The following ZBTB20 variants were observed in gnomAD, a reference collection of about 807,000 sequenced individuals.
ZBTB20 encodes zinc finger and BTB domain containing 20.
In ZBTB20, 9 loss-of-function variants were observed where a neutral mutation model predicts 56.9. That is an observed-to-expected ratio of 0.16 (90% confidence interval 0.10 to 0.28). ZBTB20 has a LOEUF of 0.28. Among genes scored for constraint, ZBTB20 ranks in the 10% least tolerant of loss-of-function variants. The pLI is 1.00. For missense variants in ZBTB20, 655 were observed against 1,003.0 expected (o/e 0.65, Z 4.69); for synonymous variants, 417 against 420.7 (o/e 0.99, Z 0.11).
intron 6 of ZBTB20, among the ~76,000 whole-genome samples, chr3:114,637,966 T>C (rs1474314615): frequency 1.3e-5 from 2 of 152,094 alleles, no homozygotes; most frequent in Admixed American, 6.6e-5. Flanking sequence ...AAGTGGACAC[T>C]ATTCCCTAAC....
At position 115,111,507 on chromosome 3, in the gene ZBTB20, C is replaced by A. The variant is rs80099322; in HGVS notation, c.-703+35712G>T. ...ACTTTTGTCTAAAGTAATTAAAATT[C>A]TCTCCCTAGTATTTTTCCACCAATA... On this transcript the variant is annotated intron_variant, in intron 1 of 11. Coordinates refer to ENST00000675478, the MANE Select transcript of ZBTB20 (RefSeq NM_001348800.3). 4.0e-3 allele frequency among the ~76,000 whole-genome samples: 606 copies of A among 152,176 alleles called. 3 individuals carry two copies. The highest frequency in any genetic ancestry group is 0.014 in the African/African-American group (567 of 41,514).
intron 5 of ZBTB20, among the ~76,000 whole-genome samples, chr3:114,782,888 C>A (rs2070208590): frequency 6.6e-6 from 1 of 152,126 alleles, no homozygotes; most frequent in African/African-American, 2.4e-5. Flanking sequence ...CAAAGGTATT[C>A]CTAATTCCCA....
intron 5 of ZBTB20, among the ~76,000 whole-genome samples, chr3:114,758,054 C>A (rs2068134181): frequency 6.6e-6 from 1 of 152,066 alleles, no homozygotes; most frequent in South Asian, 2.1e-4. Context: ...TTTTTCCAGT[C>A]ACTTACTTTC....
At chr3:114,878,443 A>C (rs549135493) in intron 4 of ZBTB20, among the ~76,000 whole-genome samples, 6 of 152,276 alleles carry the variant, frequency 3.9e-5, no homozygotes, top group African/African-American at 1.4e-4. Context: ...ATGATGGAAA[A>C]GAAGACTTGA....
chr3:114,713,166 G>A lies in ZBTB20; in HGVS notation c.-342-19591C>T, dbSNP rs189298869. On this transcript the variant is annotated intron_variant, in intron 5 of 11. Transcript: ENST00000675478. ...GTTGGACTTCTTATGTTTTTATATC[G>A]TATGCTTATATTGATTTTATTATAG... Among the ~76,000 whole-genome samples, 474 of 151,632 alleles carry A rather than the reference G, an allele frequency of 3.1e-3. 3 individuals are homozygous for A. Among genetic ancestry groups the A allele is most frequent in the Admixed American group, 5.4e-3 (82 of 15,220 alleles).
chr3:115,029,339 A>AG (rs5851942), intron 2 of ZBTB20, among the ~76,000 whole-genome samples: 20 of 149,704 alleles, frequency 1.3e-4, no homozygotes, highest in Admixed American at 7.3e-4. Flanking sequence ...ATAAAATTGA[A>AG]GGGGGGGGGC....
chr3:114,370,216 T>C (rs570545784), intron 10 of ZBTB20, among the ~76,000 whole-genome samples: 2 of 152,346 alleles, frequency 1.3e-5, no homozygotes, highest in South Asian at 2.1e-4. Context: ...TATAATGGGC[T>C]AGGAACTCTT....
At chr3:114,968,646 C>T (rs1048676485) in intron 3 of ZBTB20, among the ~76,000 whole-genome samples, 6 of 152,130 alleles carry the variant, frequency 3.9e-5, no homozygotes, top group African/African-American at 9.7e-5. Context: ...AAACACACTT[C>T]GGTCACCTCC....
At chr3:114,844,361 ATATATATATATT>A (rs2074549990) in intron 4 of ZBTB20, among the ~76,000 whole-genome samples, 1 of 121,422 alleles carries the variant, frequency 8.2e-6, no homozygotes, top group Non-Finnish European at 1.7e-5. Flanking sequence ...ATATATATAT[ATATATATATATT>A]AGCTGAGAGT....
intron 4 of ZBTB20, among the ~76,000 whole-genome samples, chr3:114,850,333 C>G (rs1173408945): frequency 6.6e-6 from 1 of 152,092 alleles, no homozygotes; most frequent in Non-Finnish European, 1.5e-5. Flanking sequence ...AAAATATAAA[C>G]AGGATTTTTC....
chr3:114,762,281 G>C (rs903371351), intron 5 of ZBTB20, among the ~76,000 whole-genome samples: 1 of 152,150 alleles, frequency 6.6e-6, no homozygotes, highest in Non-Finnish European at 1.5e-5. Context: ...CCACCACTCA[G>C]TATAATCATA....
At chr3:114,900,238 T>A (rs2075054605) in intron 4 of ZBTB20, 66 bp downstream of exon 4, 1 of 152,120 alleles carries the variant, frequency 6.6e-6, no homozygotes, top group Non-Finnish European at 1.5e-5. Context: ...TTTTAATACA[T>A]AAAAATATTA....
chr3:115,124,076 T>G (rs183237263), intron 1 of ZBTB20, among the ~76,000 whole-genome samples: 2 of 152,356 alleles, frequency 1.3e-5, no homozygotes, highest in East Asian at 3.9e-4. Flanking sequence ...AGCACTTAAA[T>G]GTTGTCTGGC....
chr3:115,031,025 C>G (rs1437809723), intron 2 of ZBTB20, among the ~76,000 whole-genome samples: 1 of 151,402 alleles, frequency 6.6e-6, no homozygotes. Context: ...ACATACATCC[C>G]TTCATAATTT....
At chr3:114,726,060 C>T (rs2065253818) in intron 5 of ZBTB20, among the ~76,000 whole-genome samples, 1 of 152,082 alleles carries the variant, frequency 6.6e-6, no homozygotes, top group African/African-American at 2.4e-5. Flanking sequence ...ACAGATAAGA[C>T]TATGTAACCG....
rs184199600 is a variant in ZBTB20, at chr3:114,817,628, A to G, written c.-416-16454T>C. Among the ~76,000 whole-genome samples the G allele has an allele frequency of 2.6e-3, 392 of 152,152 alleles. 1 individual carries two copies. Among genetic ancestry groups the G allele is most frequent in the African/African-American group, 8.7e-3 (362 of 41,540 alleles). On this transcript the variant is annotated intron_variant, in intron 4 of 11. Coordinates refer to ENST00000675478, the MANE Select transcript of ZBTB20 (RefSeq NM_001348800.3). ...ATGCCTCTATAAAAATAAATATTTC[A>G]TTAGGAGTTTTGCAATTTCCTTATT...
intron 6 of ZBTB20, among the ~76,000 whole-genome samples, chr3:114,571,706 C>T (rs973607170): frequency 6.6e-6 from 1 of 152,086 alleles, no homozygotes. Context: ...GGTCTAGGAC[C>T]AGCTGCATCA....
At chr3:114,396,985 T>C (rs1360409187) in intron 7 of ZBTB20, among the ~76,000 whole-genome samples, 1 of 152,146 alleles carries the variant, frequency 6.6e-6, no homozygotes, top group Non-Finnish European at 1.5e-5. Flanking sequence ...AAGGAACCTA[T>C]TGTTTTCAGC....
At chr3:114,866,900 T>C (rs1026569496) in intron 4 of ZBTB20, among the ~76,000 whole-genome samples, 2 of 152,174 alleles carry the variant, frequency 1.3e-5, no homozygotes, top group Admixed American at 6.5e-5. Flanking sequence ...ATCTTGGGAC[T>C]TGTGAGCTTC....
Sources: gnomAD v4.1 joint callset for allele counts (sites outside exome capture counted in the v4.1 genomes callset) on GRCh38, gnomAD v4.1.1 for gene constraint, MANE v1.5 for transcripts, NCBI Gene and HGNC (gene_info 2026-07-23, HGNC 2026-07-21) for gene names.